Variants in ADARB1 observed in about 807,000 individuals in gnomAD.
The protein encoded by ADARB1 is adenosine deaminase RNA specific B1, also known as double-stranded RNA-specific editase 1.
A neutral mutation model predicts 52.4 loss-of-function variants in ADARB1; 10 were observed. That is an observed-to-expected ratio of 0.19 (90% CI 0.12 to 0.32). The LOEUF (loss-of-function observed/expected upper bound fraction) is 0.32. Ranked by LOEUF, ADARB1 falls within the 10% of genes least tolerant of loss-of-function variation. The pLI is 1.00. For missense variants in ADARB1, 643 were observed against 922.3 expected (o/e 0.70, Z 3.92); for synonymous variants, 349 against 371.1 (o/e 0.94, Z 0.68).
intron 8 of ADARB1, among the ~76,000 whole-genome samples, chr21:45,198,503 A>T (rs535783470): frequency 1.3e-5 from 2 of 151,208 alleles, no homozygotes; most frequent in South Asian, 4.2e-4. Context: ...TAAATCACAC[A>T]CACACACACA....
intron 2 of ADARB1, among the ~76,000 whole-genome samples, chr21:45,161,341 C>A (rs2090953705): frequency 6.6e-6 from 1 of 152,230 alleles, no homozygotes; most frequent in African/African-American, 2.4e-5. Flanking sequence ...CCCCCCTGCC[C>A]CGACAGGCTG....
intron 2 of ADARB1, chr21:45,144,794 A>C: frequency 3.0e-6 from 1 of 337,272 alleles, no homozygotes; most frequent in Non-Finnish European, 6.0e-6. Flanking sequence ...TGGCACACAG[A>C]TTTACCACAA....
intron 1 of ADARB1, among the ~76,000 whole-genome samples, chr21:45,102,154 G>A (rs1196886772): frequency 2.0e-5 from 3 of 152,166 alleles, no homozygotes; most frequent in African/African-American, 7.2e-5. Flanking sequence ...GGCCTCCCAA[G>A]TTGCTGGGAT....
At chr21:45,178,949 T>G (rs1348849760) in intron 4 of ADARB1, among the ~76,000 whole-genome samples, 1 of 152,154 alleles carries the variant, frequency 6.6e-6, no homozygotes, top group East Asian at 1.9e-4. Flanking sequence ...GAAGTTAAAG[T>G]TCTTCGCCTC....
At chr21:45,075,725 T>C (rs1052688443) in intron 1 of ADARB1, among the ~76,000 whole-genome samples, 2 of 152,200 alleles carry the variant, frequency 1.3e-5, no homozygotes, top group African/African-American at 4.8e-5. Context: ...ACCTAAAACG[T>C]GTTCCTGTCC....
intron 2 of ADARB1, among the ~76,000 whole-genome samples, chr21:45,148,687 C>G (rs2090130477): frequency 6.6e-6 from 1 of 152,208 alleles, no homozygotes; most frequent in African/African-American, 2.4e-5. Context: ...GAAATCCTGG[C>G]TGCTCATGGG....
Position 45,172,960 on chromosome 21 carries a change from G to A in ADARB1, c.28+1276G>A, listed in dbSNP as rs189853353. Among the ~76,000 whole-genome samples the A allele has an allele frequency of 2.0e-4, 30 of 152,306 alleles. No homozygotes were observed. Among genetic ancestry groups the A allele is most frequent in the South Asian group, 1.2e-3 (6 of 4,830 alleles). Reference sequence around the variant, plus strand: ...TGACAAGTTTTAAGAGAGAGGTTACGTCCATACTCCTCATTTGAGAAAATG... The same window carrying A: ...TGACAAGTTTTAAGAGAGAGGTTACATCCATACTCCTCATTTGAGAAAATG... On this transcript the variant is annotated intron_variant, in intron 3 of 10. Coordinates refer to ENST00000348831, the MANE Select transcript of ADARB1 (RefSeq NM_001112.4). The surrounding 1 kb of genome is among the most constrained non-coding windows in gnomAD (Gnocchi z 4.4).
chr21:45,173,418 G>C (rs1310353090), intron 3 of ADARB1, among the ~76,000 whole-genome samples: 1 of 152,122 alleles, frequency 6.6e-6, no homozygotes, highest in African/African-American at 2.4e-5. Flanking sequence ...GTGACAGTGA[G>C]AGTAGTATTT....
rs1295160389 is a variant in ADARB1 at position 45,187,640 on chromosome 21, T to C, written c.1565+2549T>C. Among the ~76,000 whole-genome samples, 4 of 152,234 alleles carry C rather than the reference T, an allele frequency of 2.6e-5. No individual in the cohort carries two copies. The South Asian group carries it at 6.2e-4, about 24-fold the overall frequency. On this transcript the variant is annotated intron_variant, in intron 8 of 10. Transcript: ENST00000348831. ...TCACCGTTGAGTACAGTATTAACTG[T>C]GGTCTTTTCATAAATGTCCTTTATT...
intron 8 of ADARB1, among the ~76,000 whole-genome samples, chr21:45,190,667 C>A (rs972516055): frequency 6.6e-6 from 1 of 152,218 alleles, no homozygotes; most frequent in Non-Finnish European, 1.5e-5. Flanking sequence ...TGATTTCCTG[C>A]TTCTCCTGGT....
intron 2 of ADARB1, among the ~76,000 whole-genome samples, chr21:45,137,978 T>G (rs2089486632): frequency 6.6e-6 from 1 of 152,158 alleles, no homozygotes; most frequent in Non-Finnish European, 1.5e-5. Flanking sequence ...AATTTCAATT[T>G]CTATGGGAGT....
intron 9 of ADARB1, among the ~76,000 whole-genome samples, chr21:45,212,519 C>A (rs992446755): frequency 6.6e-6 from 1 of 152,132 alleles, no homozygotes; most frequent in African/African-American, 2.4e-5. Flanking sequence ...AATGCAGGAA[C>A]AGTGACCTCA....
At chr21:45,080,106 T>G (rs1383946041) in intron 1 of ADARB1, among the ~76,000 whole-genome samples, 3 of 152,096 alleles carry the variant, frequency 2.0e-5, no homozygotes, top group Non-Finnish European at 4.4e-5. Context: ...GAGGTGGTTG[T>G]GAGTGACCTT....
At chr21:45,099,023 C>T (rs1461314063) in intron 1 of ADARB1, among the ~76,000 whole-genome samples, 1 of 152,190 alleles carries the variant, frequency 6.6e-6, no homozygotes. Flanking sequence ...TGTTTTCCCT[C>T]AGCAGAGCAA....
intron 1 of ADARB1, among the ~76,000 whole-genome samples, chr21:45,080,286 A>T (rs926298719): frequency 6.6e-6 from 1 of 152,210 alleles, no homozygotes; most frequent in Non-Finnish European, 1.5e-5. Context: ...GAGCGATGAT[A>T]GCATGTTATG....
intron 1 of ADARB1, among the ~76,000 whole-genome samples, chr21:45,076,889 G>A (rs903091804): frequency 1.3e-5 from 2 of 152,300 alleles, no homozygotes; most frequent in South Asian, 2.1e-4. Flanking sequence ...TAACAAGATA[G>A]GTAGAGATCA....
chr21:45,130,142 G>A (rs558253073), intron 2 of ADARB1, among the ~76,000 whole-genome samples: 1 of 152,332 alleles, frequency 6.6e-6, no homozygotes, highest in Non-Finnish European at 1.5e-5. Context: ...GTTGGAATGA[G>A]TCTGAAAGAG....
At chr21:45,091,405 T>G (rs1436366891) in intron 1 of ADARB1, among the ~76,000 whole-genome samples, 1 of 152,222 alleles carries the variant, frequency 6.6e-6, no homozygotes, top group Non-Finnish European at 1.5e-5. Context: ...TTTAGAAAGG[T>G]TAATGATGAA....
chr21:45,204,646 G>T lies in ADARB1; in HGVS notation c.1657G>T (p.Gly553Trp). ...SSIILGSLYH[G>W]DHLSRAMYQR... Reference sequence around the variant, plus strand: ...CATCATCCTGGGCAGCCTTTACCACGGGGACCACCTTTCCAGGGCCATGTA... The same window carrying T: ...CATCATCCTGGGCAGCCTTTACCACTGGGACCACCTTTCCAGGGCCATGTA... Residue 553 changes from glycine (G) to tryptophan (W), a missense_variant, in exon 9 of 11, where the codon GGG (glycine) becomes TGG (tryptophan). This residue lies in a region of ADARB1 where 263 missense variants were observed against 475.8 expected (regional missense o/e 0.55). Transcript: ENST00000348831. The surrounding 1 kb of genome is among the most constrained non-coding windows in gnomAD (Gnocchi z 4.4). The T allele has an allele frequency of 6.2e-7, 1 of 1,614,104 alleles. No individual in the cohort carries two copies. Among genetic ancestry groups the T allele is most frequent in the Non-Finnish European group, 8.5e-7 (1 of 1,180,024 alleles).
Sources: gnomAD v4.1 joint callset for allele counts (sites outside exome capture counted in the v4.1 genomes callset) on GRCh38, gnomAD v4.1.1 for gene constraint, gnomAD v4.1.1 regional missense constraint, Gnocchi (gnomAD v3.1) non-coding constraint, MANE v1.5 for transcripts, NCBI Gene and HGNC (gene_info 2026-07-23, HGNC 2026-07-21) for gene names.